RBFOX1: variants seen among roughly 807,000 people sequenced by gnomAD.
The protein encoded by RBFOX1 is RNA binding fox-1 homolog 1, also known as RNA binding protein fox-1 homolog 1.
RBFOX1 carries 8 observed loss-of-function variants against 57.7 expected under a neutral mutation model. That is an observed-to-expected ratio of 0.14 (90% CI 0.08 to 0.25). The LOEUF (loss-of-function observed/expected upper bound fraction) is 0.25. RBFOX1 is among the 10% of genes least tolerant of loss of function. The pLI, the probability that RBFOX1 is intolerant of heterozygous loss-of-function variation, is 1.00. For synonymous variants in RBFOX1, 326 were observed against 222.4 expected (o/e 1.47, Z -4.15); for missense variants, 611 against 548.5 (o/e 1.11, Z -1.14).
intron 2 of RBFOX1, among the ~76,000 whole-genome samples, chr16:6,528,292 A>T (rs1230667593): frequency 6.6e-6 from 1 of 152,198 alleles, no homozygotes; most frequent in Non-Finnish European, 1.5e-5. Context: ...AGACAATTAG[A>T]CTTCCACTTC....
chr16:6,315,377 G>GATGGATGT (rs2080948296), intron 1 of RBFOX1, among the ~76,000 whole-genome samples: 1 of 151,826 alleles, frequency 6.6e-6, no homozygotes, highest in African/African-American at 2.4e-5. Flanking sequence ...TGGATGGATG[G>GATGGATGT]ATGGATGGGT....
At chr16:6,749,031 G>A (rs2074369242) in intron 3 of RBFOX1, 1 of 152,120 alleles carries the variant, frequency 6.6e-6, no homozygotes, top group Non-Finnish European at 1.5e-5. Flanking sequence ...GGGATTAAAT[G>A]ACAGGAGGAG....
intron 1 of RBFOX1, among the ~76,000 whole-genome samples, chr16:5,289,593 G>A (rs747444499): frequency 6.6e-6 from 1 of 152,116 alleles, no homozygotes; most frequent in African/African-American, 2.4e-5. Flanking sequence ...TTTTTAAAAC[G>A]TGGTTACTAC....
intron 3 of RBFOX1, among the ~76,000 whole-genome samples, chr16:6,685,428 A>G (rs1179314730): frequency 6.8e-6 from 1 of 147,900 alleles, no homozygotes; most frequent in Admixed American, 6.8e-5. Context: ...GGCATGTGCC[A>G]CTATACCCAG....
chr16:5,703,785 G>A (rs1276563787), intron 3 of RBFOX1, among the ~76,000 whole-genome samples: 3 of 152,130 alleles, frequency 2.0e-5, no homozygotes, highest in African/African-American at 4.8e-5. Context: ...TTATGTGTGT[G>A]AGTATATATA....
At chr16:7,364,808 G>A (rs1386125252) in intron 4 of RBFOX1, among the ~76,000 whole-genome samples, 1 of 152,164 alleles carries the variant, frequency 6.6e-6, no homozygotes, top group Non-Finnish European at 1.5e-5. Flanking sequence ...AATCTTTAGA[G>A]CTCCCATTGT....
intron 3 of RBFOX1, among the ~76,000 whole-genome samples, chr16:5,690,750 TTTC>T (rs1279999833): frequency 6.6e-6 from 1 of 152,194 alleles, no homozygotes; most frequent in Non-Finnish European, 1.5e-5. Flanking sequence ...CGCGTATGTC[TTTC>T]TCTAAGAAGC....
At chr16:7,132,763 T>C (rs1012693674) in intron 4 of RBFOX1, among the ~76,000 whole-genome samples, 2 of 152,142 alleles carry the variant, frequency 1.3e-5, no homozygotes, top group African/African-American at 2.4e-5. Flanking sequence ...TTCACTTATA[T>C]AGCTATTTCA....
intron 3 of RBFOX1, among the ~76,000 whole-genome samples, chr16:5,855,391 G>T (rs755584883): frequency 6.6e-6 from 1 of 152,130 alleles, no homozygotes; most frequent in African/African-American, 2.4e-5. Context: ...TTTTGAGTAG[G>T]TTATTGTATA....
chr16:6,773,876 G>A, intron 3 of RBFOX1: 1 of 860,510 alleles, frequency 1.2e-6, no homozygotes, highest in Non-Finnish European at 1.4e-6. Context: ...GGGTGCGTTT[G>A]TCTGTGTGTA....
intron 3 of RBFOX1, among the ~76,000 whole-genome samples, chr16:6,812,859 G>A (rs1603627887): frequency 1.3e-5 from 2 of 152,118 alleles, no homozygotes; most frequent in East Asian, 1.9e-4. Flanking sequence ...ACTTAGAAAT[G>A]GTGGGAAGCC....
At chr16:6,792,754 G>A (rs1166634887) in intron 3 of RBFOX1, among the ~76,000 whole-genome samples, 4 of 152,254 alleles carry the variant, frequency 2.6e-5, no homozygotes, top group South Asian at 4.2e-4. Context: ...GTGATGGGCC[G>A]GCATGGTGGC....
At chr16:5,481,960 A>G (rs557972871) in intron 2 of RBFOX1, among the ~76,000 whole-genome samples, 2 of 152,242 alleles carry the variant, frequency 1.3e-5, no homozygotes, top group African/African-American at 4.8e-5. Context: ...ATCACCAAAT[A>G]CGGTCACATT....
intron 4 of RBFOX1, among the ~76,000 whole-genome samples, chr16:7,094,027 A>AAAC (rs1762030228): frequency 6.6e-6 from 1 of 151,166 alleles, no homozygotes; most frequent in East Asian, 1.9e-4. Context: ...TAAACATAGT[A>AAAC]ATTGGTCAAG....
intron 3 of RBFOX1, among the ~76,000 whole-genome samples, chr16:5,642,016 G>A (rs2048893185): frequency 6.6e-6 from 1 of 152,202 alleles, no homozygotes; most frequent in African/African-American, 2.4e-5. Context: ...GGGATACCAA[G>A]GCTGCTGGTA....
At chr16:7,276,166 G>T (rs2095436214) in intron 4 of RBFOX1, among the ~76,000 whole-genome samples, 1 of 152,200 alleles carries the variant, frequency 6.6e-6, no homozygotes, top group South Asian at 2.1e-4. Flanking sequence ...ATACCCCTTG[G>T]AAGGACCATG....
chr16:5,285,870 C>G (rs949728911), intron 1 of RBFOX1, among the ~76,000 whole-genome samples: 5 of 152,136 alleles, frequency 3.3e-5, no homozygotes, highest in African/African-American at 1.2e-4. Context: ...CTCCCGGGTT[C>G]AAGCGATTCT....
chr16:6,355,763 A>G (rs536406075), intron 2 of RBFOX1, among the ~76,000 whole-genome samples: 2 of 152,174 alleles, frequency 1.3e-5, no homozygotes, highest in Non-Finnish European at 2.9e-5. Context: ...AGTGTAAAAG[A>G]GTTCCTATTT....
chr16:6,887,960 C>G (rs1234797953), intron 3 of RBFOX1, among the ~76,000 whole-genome samples: 3 of 152,116 alleles, frequency 2.0e-5, no homozygotes, highest in African/African-American at 7.2e-5. Flanking sequence ...CCACGCCTGT[C>G]CCATCCTCAT....
Sources: gnomAD v4.1 joint callset for allele counts (sites outside exome capture counted in the v4.1 genomes callset) on GRCh38, gnomAD v4.1.1 for gene constraint, MANE v1.5 for transcripts, NCBI Gene and HGNC (gene_info 2026-07-23, HGNC 2026-07-21) for gene names.